TPST2: variants seen among roughly 807,000 people sequenced by gnomAD.
TPST2 encodes protein-tyrosine sulfotransferase 2.
Under a neutral mutation model 27.8 loss-of-function variants are expected in TPST2, and 16 were observed. That is an observed-to-expected ratio of 0.58 (90% CI 0.39 to 0.88). TPST2 has a LOEUF of 0.88. Among genes scored for constraint, TPST2 ranks in the 40% least tolerant of loss-of-function variants. The pLI, the probability that TPST2 is intolerant of heterozygous loss-of-function variation, is 0.00. For missense variants in TPST2, 464 were observed against 543.1 expected (o/e 0.85, Z 1.45); for synonymous variants, 229 against 231.7 (o/e 0.99, Z 0.10).
At chr22:26,548,392 C>T (rs542621761) in intron 1 of TPST2, among the ~76,000 whole-genome samples, 3 of 150,378 alleles carry the variant, frequency 2.0e-5, no homozygotes, top group East Asian at 2.0e-4. Context: ...TGGCACCACC[C>T]GCCTGATTGG....
At chr22:26,560,064 G>A (rs901555104) in intron 1 of TPST2, among the ~76,000 whole-genome samples, 11 of 152,192 alleles carry the variant, frequency 7.2e-5, no homozygotes, top group East Asian at 1.9e-4. Flanking sequence ...CCTTGAGCTC[G>A]GGAATGCAGA....
intron 2 of TPST2, among the ~76,000 whole-genome samples, chr22:26,542,951 G>A (rs923786295): frequency 1.3e-5 from 2 of 152,234 alleles, no homozygotes; most frequent in Non-Finnish European, 2.9e-5. Context: ...GCTATAGCAA[G>A]TGGAAAATAA....
intron 1 of TPST2, among the ~76,000 whole-genome samples, chr22:26,586,732 A>G (rs1602311459): frequency 2.0e-5 from 3 of 152,354 alleles, no homozygotes; most frequent in Admixed American, 2.0e-4. Flanking sequence ...CACGCAGATA[A>G]GTGCTGGTCT....
chr22:26,532,872 A>G, intron 4 of TPST2, 127 bp from the exon 5 acceptor site: 1 of 787,296 alleles, frequency 1.3e-6, no homozygotes, highest in Non-Finnish European at 2.1e-6. Context: ...TCCAACAAAC[A>G]TTGCTTAAGC....
chr22:26,551,883 C>CTTTTTTTTTTTTTTTTTTTT lies in TPST2; in HGVS notation c.-160-7228_-160-7209dup, dbSNP rs1163793644. Among the ~76,000 whole-genome samples, 10 of 66,436 alleles carry CTTTTTTTTTTTTTTTTTTTT rather than the reference C, an allele frequency of 1.5e-4. 1 individual carries two copies. The highest frequency in any genetic ancestry group is 2.5e-4 in the Non-Finnish European group (9 of 36,240). 43.6% of individuals were successfully genotyped at this position (66,436 alleles called of 152,430 possible). ...ATTCTTTTCCTTTTCTTTTCTTTTT[C>CTTTTTTTTTTTTTTTTTTTT]TTTTTTTTTTTTTTTTTTTTTTTGA... On this transcript the variant is annotated intron_variant, in intron 1 of 6. Transcript: ENST00000338754.
At chr22:26,545,764 C>T (rs934240571) in intron 1 of TPST2, among the ~76,000 whole-genome samples, 6 of 152,138 alleles carry the variant, frequency 3.9e-5, no homozygotes, top group Non-Finnish European at 8.8e-5. Flanking sequence ...AGGGTAACAA[C>T]ACTTTAAAAT....
intron 3 of TPST2, among the ~76,000 whole-genome samples, chr22:26,538,208 G>A (rs1175122794): frequency 6.6e-6 from 1 of 152,214 alleles, no homozygotes; most frequent in Admixed American, 6.5e-5. Context: ...ACAAGACCGG[G>A]CGTGAGGTGA....
intron 1 of TPST2, among the ~76,000 whole-genome samples, chr22:26,578,053 T>G (rs1302989595): frequency 6.6e-6 from 1 of 152,214 alleles, no homozygotes; most frequent in East Asian, 1.9e-4. Context: ...TCAAAATGTA[T>G]TATTATCTTT....
rs768173815 is a variant in TPST2, at chr22:26,541,320, G to A, written c.311C>T (p.Pro104Leu). Reference protein sequence around the residue: ...VRCGEETRIIPRVLAMRQAWS... With the variant: ...VRCGEETRIILRVLAMRQAWS... Reference sequence around the variant, plus strand: ...GGCCTGGCGCATGGCCAGCACGCGCGGGATGATGCGGGTCTCCTCGCCGCA... The same window carrying A: ...GGCCTGGCGCATGGCCAGCACGCGCAGGATGATGCGGGTCTCCTCGCCGCA... The change falls in exon 3 of 7, where the codon CCG (proline) becomes CTG (leucine). Residue 104 changes from proline (P) to leucine (L), a missense_variant. Pro to Leu is a moderately conservative substitution (Grantham distance 98). Coordinates refer to ENST00000338754, the MANE Select transcript of TPST2 (RefSeq NM_003595.5). The surrounding 1 kb of genome is among the most constrained non-coding windows in gnomAD (Gnocchi z 5.9). 4.4e-5 allele frequency: 68 copies of A among 1,545,462 alleles called. No homozygotes were observed. The highest frequency in any genetic ancestry group is 5.4e-5 in the Non-Finnish European group (62 of 1,143,928).
chr22:26,551,883 C>CTTT (rs1163793644), intron 1 of TPST2, among the ~76,000 whole-genome samples: 1,951 of 66,054 alleles, frequency 0.03, 38 homozygotes, highest in Non-Finnish European at 0.043. Flanking sequence ...TTTTCTTTTT[C>CTTT]TTTTTTTTTT....
chr22:26,583,922 T>C (rs758778547), intron 1 of TPST2, among the ~76,000 whole-genome samples: 8 of 152,216 alleles, frequency 5.3e-5, no homozygotes, highest in Admixed American at 2.6e-4. Flanking sequence ...TCAGATCCCC[T>C]GAAAAGCCGC....
chr22:26,532,684 G>A lies in TPST2; in HGVS notation c.1092+11C>T, dbSNP rs1925236095. The A allele has an allele frequency of 6.2e-7, 1 of 1,613,720 alleles. No homozygotes were observed. The highest frequency in any genetic ancestry group is 8.5e-7 in the Non-Finnish European group (1 of 1,179,722). On this transcript the variant is annotated intron_variant, in intron 5 of 6. Coordinates refer to ENST00000338754, the MANE Select transcript of TPST2 (RefSeq NM_003595.5). ...AAGACAGAATTCGGAATTCCCCTTGGGGTTTCTAACCTGAAAATATCCTTT... is the reference window on the plus strand; with the variant it reads ...AAGACAGAATTCGGAATTCCCCTTGAGGTTTCTAACCTGAAAATATCCTTT...
chr22:26,528,744 A>G (rs1924979416), intron 5 of TPST2, among the ~76,000 whole-genome samples: 1 of 152,136 alleles, frequency 6.6e-6, no homozygotes, highest in Non-Finnish European at 1.5e-5. Flanking sequence ...GCGCTTTGGG[A>G]GGCCGAGGAG....
intron 5 of TPST2, among the ~76,000 whole-genome samples, chr22:26,530,206 T>C (rs1042252682): frequency 5.3e-5 from 8 of 152,126 alleles, no homozygotes; most frequent in Non-Finnish European, 1.2e-4. Flanking sequence ...CCTGAGAACC[T>C]GGGACTGCAG....
intron 1 of TPST2, among the ~76,000 whole-genome samples, chr22:26,552,967 G>A (rs1266994832): frequency 6.6e-6 from 1 of 150,404 alleles, no homozygotes; most frequent in Non-Finnish European, 1.5e-5. Flanking sequence ...GCCTGAGGCA[G>A]GAGAACTGCT....
intron 1 of TPST2, among the ~76,000 whole-genome samples, chr22:26,551,896 T>C (rs1193175248): frequency 9.4e-6 from 1 of 106,898 alleles, no homozygotes; most frequent in Non-Finnish European, 1.8e-5. Context: ...TTTTTTTTTT[T>C]TTTTTTTTTT....
chr22:26,566,583 A>G (rs563954045), intron 1 of TPST2, among the ~76,000 whole-genome samples: 1 of 151,624 alleles, frequency 6.6e-6, no homozygotes, highest in Admixed American at 6.6e-5. Flanking sequence ...GAAAAAGAAA[A>G]AGAAAAAAAA....
intron 1 of TPST2, among the ~76,000 whole-genome samples, chr22:26,584,217 A>C (rs1029675550): frequency 2.0e-5 from 3 of 152,192 alleles, no homozygotes; most frequent in African/African-American, 4.8e-5. Context: ...AATGTCACAC[A>C]GCAATTTGGA....
intron 1 of TPST2, among the ~76,000 whole-genome samples, chr22:26,587,222 C>T (rs1325749467): frequency 6.6e-6 from 1 of 152,162 alleles, no homozygotes; most frequent in African/African-American, 2.4e-5. Context: ...AAGGGGGCTC[C>T]AGGCTGGCCC....
Sources: allele counts gnomAD v4.1 joint callset (sites outside exome capture counted in the v4.1 genomes callset), GRCh38; gene constraint gnomAD v4.1.1; non-coding constraint Gnocchi (gnomAD v3.1); transcripts MANE v1.5; gene names NCBI Gene and HGNC (gene_info 2026-07-23, HGNC 2026-07-21).